Variants in KIFAP3 observed in about 807,000 individuals in gnomAD.
KIFAP3 encodes the protein kinesin-associated protein 3.
KIFAP3 carries 68 observed loss-of-function variants against 106.5 expected under a neutral mutation model. The observed-to-expected ratio is 0.64, with a 90% CI of 0.53 to 0.78. The LOEUF (loss-of-function observed/expected upper bound fraction) is 0.78, where lower values mean the gene tolerates loss of function less well. Ranked by LOEUF, KIFAP3 falls within the 30% of genes least tolerant of loss-of-function variation. KIFAP3 has a pLI of 0.00. For missense variants in KIFAP3, 780 were observed against 941.8 expected, an observed-to-expected ratio of 0.83 and a Z score of 2.25; for synonymous variants, 320 against 311.5, an observed-to-expected ratio of 1.03 and a Z score of -0.29.
At chr1:170,049,117 TG>T (rs1390586881) in intron 2 of KIFAP3, among the ~76,000 whole-genome samples, 4 of 152,154 alleles carry the variant, frequency 2.6e-5, no homozygotes, top group Admixed American at 6.5e-5. Flanking sequence ...GGAGTTGATC[TG>T]GGATGATCGA....
At chr1:170,055,218 AC>A (rs1484949638) in intron 2 of KIFAP3, 86 bp downstream of exon 2, 26 of 1,175,798 alleles carry the variant, frequency 2.2e-5, no homozygotes, top group Non-Finnish European at 3.1e-5. Flanking sequence ...ATAATTAATC[AC>A]CTATGCTGAT....
At chr1:170,081,358 A>T (rs1295713994) in intron 1 of KIFAP3, among the ~76,000 whole-genome samples, 1 of 152,262 alleles carries the variant, frequency 6.6e-6, no homozygotes, top group Non-Finnish European at 1.5e-5. Flanking sequence ...ATACACCTAT[A>T]TTAGTTTTCT....
At chr1:169,975,998 A>C (rs141543291) in intron 16 of KIFAP3, among the ~76,000 whole-genome samples, 329 of 152,298 alleles carry the variant, frequency 2.2e-3, no homozygotes, top group Non-Finnish European at 3.1e-3. Flanking sequence ...GGAAAATGCA[A>C]AGAAAGTTAC....
chr1:170,013,991 A>G (rs1175847373), intron 10 of KIFAP3, among the ~76,000 whole-genome samples: 1 of 152,114 alleles, frequency 6.6e-6, no homozygotes, highest in Non-Finnish European at 1.5e-5. Flanking sequence ...ATCATCACCC[A>G]CATCCAAACA....
intron 18 of KIFAP3, among the ~76,000 whole-genome samples, chr1:169,959,233 G>A (rs1234577019): frequency 2.0e-5 from 3 of 152,004 alleles, no homozygotes; most frequent in African/African-American, 7.3e-5. Context: ...ACACAATAAA[G>A]GAAAGGAGGC....
At chr1:169,983,694 A>G (rs1019354484) in intron 12 of KIFAP3, among the ~76,000 whole-genome samples, 3 of 151,896 alleles carry the variant, frequency 2.0e-5, no homozygotes, top group Non-Finnish European at 4.4e-5. Flanking sequence ...AAATAGAATC[A>G]TACCATATGT....
chr1:169,998,381 GATATATATATAT>G (rs67634163), intron 10 of KIFAP3, among the ~76,000 whole-genome samples: 18 of 136,950 alleles, frequency 1.3e-4, no homozygotes, highest in Admixed American at 2.9e-4. Context: ...TGCTTCACCA[GATATATATATAT>G]ATATATACAC....
intron 1 of KIFAP3, among the ~76,000 whole-genome samples, chr1:170,056,664 A>G (rs1180635575): frequency 6.6e-6 from 1 of 152,202 alleles, no homozygotes; most frequent in African/African-American, 2.4e-5. Context: ...ACTTTGACTA[A>G]TTATGCATAT....
intron 17 of KIFAP3, among the ~76,000 whole-genome samples, chr1:169,969,267 C>T (rs532541132): frequency 1.2e-4 from 18 of 152,046 alleles, no homozygotes; most frequent in African/African-American, 4.3e-4. Flanking sequence ...CCTATAAAAC[C>T]TTCTCTGTAA....
At chr1:170,035,623 A>C in intron 5 of KIFAP3, 70 bp from the exon 6 acceptor site, 1 of 890,640 alleles carries the variant, frequency 1.1e-6, no homozygotes, top group South Asian at 1.9e-5. Flanking sequence ...TTGGTTTTAA[A>C]TGTCTAGTTA....
intron 11 of KIFAP3, 103 bp from the exon 12 acceptor site, chr1:169,984,793 G>A (rs577686671): frequency 1.5e-5 from 9 of 590,818 alleles, no homozygotes; most frequent in African/African-American, 1.9e-5. Context: ...ATTGTACATT[G>A]GGCATAATAT....
chr1:169,979,614 A>G (rs2101904527), intron 15 of KIFAP3, among the ~76,000 whole-genome samples: 1 of 152,248 alleles, frequency 6.6e-6, no homozygotes, highest in Non-Finnish European at 1.5e-5. Context: ...GCTACAATTG[A>G]AAGGACTGAC....
At chr1:170,018,683 C>T (rs963550186) in intron 9 of KIFAP3, among the ~76,000 whole-genome samples, 1 of 150,658 alleles carries the variant, frequency 6.6e-6, no homozygotes, top group Non-Finnish European at 1.5e-5. Flanking sequence ...TTATACCACC[C>T]ATTTCATATT....
intron 11 of KIFAP3, among the ~76,000 whole-genome samples, chr1:169,991,292 G>A (rs1429909533): frequency 6.6e-6 from 1 of 151,432 alleles, no homozygotes; most frequent in Non-Finnish European, 1.5e-5. Flanking sequence ...GCTCCAGTGA[G>A]CTATGACTGT....
upstream of KIFAP3, among the ~76,000 whole-genome samples, chr1:170,078,131 C>T (rs951469730): frequency 2.0e-5 from 3 of 152,052 alleles, no homozygotes; most frequent in South Asian, 2.1e-4. Flanking sequence ...AAACTGTTTT[C>T]CAAAATGAAT....
chr1:170,038,002 A>G (rs968923551), intron 5 of KIFAP3, among the ~76,000 whole-genome samples: 3 of 152,200 alleles, frequency 2.0e-5, no homozygotes, highest in Admixed American at 2.0e-4. Context: ...CATGATATAT[A>G]TATTTATGCA....
chr1:169,983,208 T>A (rs1666618853), intron 13 of KIFAP3, 62 bp downstream of exon 13: 1 of 941,574 alleles, frequency 1.1e-6, no homozygotes, highest in African/African-American at 1.7e-5. Context: ...AAGAGCTGTA[T>A]TTCCAAATGT....
intron 18 of KIFAP3, among the ~76,000 whole-genome samples, chr1:169,959,091 C>T (rs1665181759): frequency 6.6e-6 from 1 of 152,172 alleles, no homozygotes; most frequent in South Asian, 2.1e-4. Context: ...GGCTGAAAAG[C>T]TGCTAAAGCT....
At chr1:169,927,551 A>AT (rs1663210519) in intron 19 of KIFAP3, among the ~76,000 whole-genome samples, 1 of 152,216 alleles carries the variant, frequency 6.6e-6, no homozygotes, top group Admixed American at 6.5e-5. Flanking sequence ...CCATTAGAAA[A>AT]TAAACACCAT....
Sources: gnomAD v4.1 joint callset for allele counts (sites outside exome capture counted in the v4.1 genomes callset) on GRCh38, gnomAD v4.1.1 for gene constraint, MANE v1.5 for transcripts, NCBI Gene and HGNC (gene_info 2026-07-23, HGNC 2026-07-21) for gene names.